The following TMLHE variants were observed in gnomAD, a reference collection of about 807,000 sequenced individuals.
TMLHE encodes the protein trimethyllysine hydroxylase, epsilon.
In TMLHE, 18 loss-of-function variants were observed where a neutral mutation model predicts 25.7. The observed-to-expected ratio is 0.70, with a 90% CI of 0.48 to 1.04. The LOEUF (loss-of-function observed/expected upper bound fraction) is 1.04, where lower values mean the gene tolerates loss of function less well. Ranked by LOEUF, TMLHE falls within the 50% of genes least tolerant of loss-of-function variation. The pLI is 0.00. For missense variants in TMLHE, 236 were observed against 259.0 expected (o/e 0.91, Z 0.61); for synonymous variants, 105 against 97.0 (o/e 1.08, Z -0.49).
intron 1 of TMLHE, among the ~76,000 whole-genome samples, chrX:155,589,827 T>C (rs782283308): frequency 8.9e-6 from 1 of 112,189 alleles, no homozygotes; most frequent in South Asian, 3.7e-4. Flanking sequence ...TTCAAGGTGA[T>C]GGATACCCCA....
chrX:155,553,502 G>A (rs1557340317), intron 1 of TMLHE, among the ~76,000 whole-genome samples: 5 of 109,012 alleles, frequency 4.6e-5, no homozygotes, highest in Non-Finnish European at 1.9e-5. Context: ...CTTTTGGGTA[G>A]TATCTGCATT....
intron 1 of TMLHE, among the ~76,000 whole-genome samples, chrX:155,558,789 C>T (rs1358306249): frequency 8.1e-5 from 9 of 110,930 alleles, no homozygotes; most frequent in Non-Finnish European, 1.5e-4. Context: ...CTTTTATAAC[C>T]CATATTATCT....
intron 1 of TMLHE, among the ~76,000 whole-genome samples, chrX:155,583,426 AC>A (rs1260167262): frequency 9.1e-6 from 1 of 109,775 alleles, no homozygotes; most frequent in Non-Finnish European, 1.9e-5. Flanking sequence ...GGAAAGACCC[AC>A]CCCCATGATT....
intron 1 of TMLHE, among the ~76,000 whole-genome samples, chrX:155,563,680 T>C (rs1557341995): frequency 4.9e-5 from 3 of 61,577 alleles, no homozygotes; most frequent in African/African-American, 1.1e-4. Flanking sequence ...ACATGAGTCT[T>C]GAGTTCAGGG....
chrX:155,601,805 A>G (rs782136327), intron 1 of TMLHE, among the ~76,000 whole-genome samples: 26 of 111,065 alleles, frequency 2.3e-4, no homozygotes, highest in Non-Finnish European at 4.0e-4. Flanking sequence ...TTTAAATGTG[A>G]AGACATAAAC....
At chrX:155,549,681 G>C (rs2067399194) in intron 1 of TMLHE, among the ~76,000 whole-genome samples, 1 of 109,998 alleles carries the variant, frequency 9.1e-6, no homozygotes, top group Non-Finnish European at 1.9e-5. Flanking sequence ...GGTCTGGTGT[G>C]TGTATGTGTG....
Position 155,576,133 on chromosome X carries a change from TA to T in TMLHE, c.-1-30857del, listed in dbSNP as rs782769481. The stretch of plus-strand genomic sequence containing the variant: ...CTGCCAAAACCTCCTAGATCTGATT[TA>T]AAAAAAAATCAGCACTTCAGCAAAG... On this transcript the variant is annotated intron_variant, in intron 1 of 7. Transcript: ENST00000334398. Among the ~76,000 whole-genome samples the T allele has an allele frequency of 2.7e-3, 303 of 110,281 alleles. 1 individual carries two copies. The highest frequency in any genetic ancestry group is 9.6e-3 in the African/African-American group (292 of 30,373).
At chrX:155,587,896 T>C (rs1307946562) in intron 1 of TMLHE, among the ~76,000 whole-genome samples, 3 of 112,109 alleles carry the variant, frequency 2.7e-5, no homozygotes, top group Admixed American at 1.9e-4. Context: ...ATTGGAATAA[T>C]TAATATTATT....
intron 1 of TMLHE, among the ~76,000 whole-genome samples, chrX:155,575,074 C>G (rs2067581638): frequency 9.0e-6 from 1 of 111,304 alleles, no homozygotes; most frequent in Non-Finnish European, 1.9e-5. Context: ...TTCTGGAGGC[C>G]AGAAGTCTGA....
At chrX:155,611,578 T>TG (rs1263048775) in intron 1 of TMLHE, 10 of 111,312 alleles carry the variant, frequency 9.0e-5, no homozygotes, top group African/African-American at 3.3e-4. Flanking sequence ...AAGAACTAGG[T>TG]GGGGCACACT....
rs782561216 is a variant in TMLHE, at chrX:155,538,935, GA to G, written c.181+6160del. On this transcript the variant is annotated intron_variant, in intron 2 of 7. Coordinates refer to ENST00000334398, the MANE Select transcript of TMLHE (RefSeq NM_018196.4). ...GTGCCATCAGCAAGATGGCAGAATA[GA>G]AAAAAAAGACCCTCCTTCCCCCATG... Among the ~76,000 whole-genome samples, 7 of 110,140 alleles carry G rather than the reference GA, an allele frequency of 6.4e-5. No homozygotes were observed. In the East Asian group the frequency reaches 1.7e-3, roughly 27 times the overall value.
chrX:155,576,961 T>C (rs2067594464), intron 1 of TMLHE, among the ~76,000 whole-genome samples: 1 of 111,943 alleles, frequency 8.9e-6, no homozygotes, highest in Non-Finnish European at 1.9e-5. Context: ...AAAGATTTCA[T>C]AACGAAGATA....
chrX:155,511,080 G>A (rs1435515396), intron 5 of TMLHE, among the ~76,000 whole-genome samples: 1 of 111,372 alleles, frequency 9.0e-6, no homozygotes, highest in East Asian at 2.8e-4. Flanking sequence ...TTATTCCTAG[G>A]AGTCTGATAT....
chrX:155,546,018 C>T (rs781856771), intron 1 of TMLHE, among the ~76,000 whole-genome samples: 1 of 110,180 alleles, frequency 9.1e-6, no homozygotes, highest in East Asian at 2.9e-4. Context: ...CTACTAATCA[C>T]CCCTATTCCG....
At chrX:155,548,457 TGGGC>T (rs1569562060) in intron 1 of TMLHE, among the ~76,000 whole-genome samples, 4 of 110,715 alleles carry the variant, frequency 3.6e-5, no homozygotes. Context: ...TCCTACAGGC[TGGGC>T]ACGGTGGCTC....
At chrX:155,588,170 C>G (rs991213290) in intron 1 of TMLHE, among the ~76,000 whole-genome samples, 5 of 111,787 alleles carry the variant, frequency 4.5e-5, no homozygotes, top group African/African-American at 6.5e-5. Flanking sequence ...ACAAATGGAA[C>G]AGAATAGAGA....
intron 1 of TMLHE, among the ~76,000 whole-genome samples, chrX:155,600,469 C>G (rs1398828748): frequency 9.0e-6 from 1 of 111,564 alleles, no homozygotes; most frequent in Non-Finnish European, 1.9e-5. Flanking sequence ...ATATTTGTTA[C>G]AAAAAGGGAA....
chrX:155,518,844 T>G (rs1229018291), intron 3 of TMLHE, among the ~76,000 whole-genome samples: 1 of 55,247 alleles, frequency 1.8e-5, no homozygotes, highest in African/African-American at 4.8e-5. Flanking sequence ...GTAGTTTGTA[T>G]TTCTGTGGGA....
intron 1 of TMLHE, among the ~76,000 whole-genome samples, chrX:155,601,046 T>C (rs1425611267): frequency 8.9e-6 from 1 of 112,092 alleles, no homozygotes; most frequent in Non-Finnish European, 1.9e-5. Flanking sequence ...GGCAGTGGAA[T>C]AGCAAAATGC....
Sources: gnomAD v4.1 joint callset for allele counts (sites outside exome capture counted in the v4.1 genomes callset) on GRCh38, gnomAD v4.1.1 for gene constraint, MANE v1.5 for transcripts, NCBI Gene and HGNC (gene_info 2026-07-23, HGNC 2026-07-21) for gene names.